SLC45A4: variants seen among roughly 807,000 people sequenced by gnomAD.
SLC45A4 encodes the protein solute carrier family 45 member 4.
SLC45A4 carries 32 observed loss-of-function variants against 63.7 expected under a neutral mutation model. The ratio of observed to expected loss-of-function variants is 0.50; its 90% CI spans 0.38 to 0.67. The LOEUF is 0.67. Ranked by LOEUF, SLC45A4 falls within the 30% of genes least tolerant of loss-of-function variation. The pLI, the probability that SLC45A4 is intolerant of heterozygous loss-of-function variation, is 0.00. For missense variants in SLC45A4, 1,027 were observed against 1,157.7 expected, an observed-to-expected ratio of 0.89 and a Z score of 1.64; for synonymous variants, 535 against 510.0, an observed-to-expected ratio of 1.05 and a Z score of -0.66.
At chr8:141,214,456 C>G (rs916974506) in intron 7 of SLC45A4, among the ~76,000 whole-genome samples, 6 of 152,156 alleles carry the variant, frequency 3.9e-5, no homozygotes, top group African/African-American at 1.4e-4. Flanking sequence ...GCATGTCACA[C>G]TGATGCACTG....
rs1234055971 is a variant in SLC45A4, at chr8:141,252,495, CCA to C, written c.241+1492_241+1493del. Reference sequence around the variant, plus strand: ...TCTGTGAATTTCCGTGTTTTCACGCCCACCTGTGCGTCTGTGAATTTCCGTGT... The same window carrying C: ...TCTGTGAATTTCCGTGTTTTCACGCCCCTGTGCGTCTGTGAATTTCCGTGT... On this transcript the variant is annotated intron_variant, in intron 2 of 8. Transcript: ENST00000517878. The C allele has an allele frequency of 3.0e-5, 4 of 132,476 alleles. 1 individual carries two copies. The highest frequency in any genetic ancestry group is 6.9e-5 in the Non-Finnish European group (4 of 57,658). The allele number at this position is 132,476 out of a possible 1,614,324, so 8.2% of individuals were successfully genotyped here. A position where few individuals can be genotyped will look rare whatever the true frequency, so the allele number is the denominator to read the frequency against.
intron 2 of SLC45A4, among the ~76,000 whole-genome samples, chr8:141,238,160 G>A (rs534388888): frequency 1.1e-4 from 17 of 152,328 alleles, no homozygotes; most frequent in African/African-American, 3.6e-4. Context: ...ACGCGTGCCC[G>A]AGTCTCCGAA....
At chr8:141,212,138 G>GCCC in intron 8 of SLC45A4, 59 bp downstream of exon 8, 2 of 664,730 alleles carry the variant, frequency 3.0e-6, no homozygotes, top group Non-Finnish European at 3.8e-6. Flanking sequence ...TGGCCCCGCC[G>GCCC]CCCGCCCGCC....
At chr8:141,214,101 G>A (rs1214555052) in intron 7 of SLC45A4, among the ~76,000 whole-genome samples, 5 of 151,806 alleles carry the variant, frequency 3.3e-5, no homozygotes, top group South Asian at 2.1e-4. Flanking sequence ...CCAGCTACTC[G>A]GGAGGCTGAG....
rs146842836 is a variant in SLC45A4 at position 141,283,886 on chromosome 8, G to C, written c.-401+24210C>G. Among the ~76,000 whole-genome samples the C allele has an allele frequency of 6.7e-3, 1,015 of 152,314 alleles. 10 individuals are homozygous for C. Among genetic ancestry groups the C allele is most frequent in the Admixed American group, 0.027 (409 of 15,306 alleles). On this transcript the variant is annotated intron_variant, in intron 1 of 8. Transcript: ENST00000517878. ...TTACAAAGCACTTAGGGACATCAAA[G>C]CCCAGCTCTGCACATGAGCTCTACG... is the stretch of plus-strand genomic sequence containing the variant.
intron 1 of SLC45A4, among the ~76,000 whole-genome samples, chr8:141,257,022 T>C (rs1365824333): frequency 6.6e-6 from 1 of 152,110 alleles, no homozygotes; most frequent in Non-Finnish European, 1.5e-5. Flanking sequence ...CCCAGCTAAC[T>C]TTTGTATTTT....
At chr8:141,243,412 C>T (rs1176432063) in intron 2 of SLC45A4, among the ~76,000 whole-genome samples, 1 of 152,214 alleles carries the variant, frequency 6.6e-6, no homozygotes, top group Non-Finnish European at 1.5e-5. Flanking sequence ...CCGTTCCTTC[C>T]GCTGTCAGAA....
At chr8:141,277,902 A>G (rs1194175315) in intron 1 of SLC45A4, among the ~76,000 whole-genome samples, 1 of 152,138 alleles carries the variant, frequency 6.6e-6, no homozygotes, top group Non-Finnish European at 1.5e-5. Context: ...TCAGCCTCAC[A>G]AAGTGAAAAA....
At chr8:141,244,393 C>A (rs760147141) in intron 2 of SLC45A4, among the ~76,000 whole-genome samples, 1 of 152,152 alleles carries the variant, frequency 6.6e-6, no homozygotes, top group Non-Finnish European at 1.5e-5. Context: ...CAAGGCAGGT[C>A]AATTTCTCCT....
intron 2 of SLC45A4, among the ~76,000 whole-genome samples, chr8:141,232,263 G>A (rs534831028): frequency 2.2e-4 from 34 of 152,366 alleles, no homozygotes; most frequent in African/African-American, 7.5e-4. Context: ...TGCTCTGTGC[G>A]CCATGCTTTG....
intron 5 of SLC45A4, among the ~76,000 whole-genome samples, chr8:141,217,743 C>T (rs1005909165): frequency 2.6e-5 from 4 of 152,208 alleles, no homozygotes; most frequent in Non-Finnish European, 5.9e-5. Flanking sequence ...ACAGACACCC[C>T]GTTCACACCA....
rs150449929 is a variant in SLC45A4, at chr8:141,301,027, C to T, written c.-401+7069G>A. ...CTCCGGTGTGGGGAACTCAGAGAGCCGCAAGGTCCCCACAAACGCCTGCCT... is the reference window on the plus strand; with the variant it reads ...CTCCGGTGTGGGGAACTCAGAGAGCTGCAAGGTCCCCACAAACGCCTGCCT... On this transcript the variant is annotated intron_variant, in intron 1 of 8. Coordinates refer to ENST00000517878, the MANE Select transcript of SLC45A4 (RefSeq NM_001286646.2). Among the ~76,000 whole-genome samples the T allele has an allele frequency of 6.8e-3, 1,038 of 152,244 alleles. 3 individuals are homozygous for T. The highest frequency in any genetic ancestry group is 0.014 in the Admixed American group (212 of 15,294).
intron 1 of SLC45A4, among the ~76,000 whole-genome samples, chr8:141,270,921 G>C (rs1048577855): frequency 2.0e-5 from 3 of 152,092 alleles, no homozygotes; most frequent in African/African-American, 7.2e-5. Context: ...CAAGATCCCT[G>C]ACCCCAGGGG....
At chr8:141,241,192 C>T (rs1029060458) in intron 2 of SLC45A4, among the ~76,000 whole-genome samples, 2 of 152,264 alleles carry the variant, frequency 1.3e-5, no homozygotes, top group African/African-American at 2.4e-5. Flanking sequence ...GCGTCACAAA[C>T]GGCCAGGCTG....
chr8:141,220,180 C>T (rs567677024), intron 3 of SLC45A4, among the ~76,000 whole-genome samples: 1 of 152,342 alleles, frequency 6.6e-6, no homozygotes, highest in African/African-American at 2.4e-5. Context: ...AATTCACTGT[C>T]GCTAAGAAGG....
intron 1 of SLC45A4, among the ~76,000 whole-genome samples, chr8:141,279,096 T>C (rs1395384609): frequency 3.9e-5 from 6 of 152,196 alleles, no homozygotes; most frequent in Non-Finnish European, 8.8e-5. Context: ...TCCCACATTC[T>C]GCGGGACCCA....
At chr8:141,286,904 C>T (rs1234673654) in intron 1 of SLC45A4, among the ~76,000 whole-genome samples, 2 of 152,256 alleles carry the variant, frequency 1.3e-5, no homozygotes, top group Middle Eastern at 3.4e-3. Context: ...TCAATGTCAG[C>T]TGCAGTGGGG....
At chr8:141,270,338 G>A (rs936203805) in intron 1 of SLC45A4, among the ~76,000 whole-genome samples, 1 of 150,726 alleles carries the variant, frequency 6.6e-6, no homozygotes, top group African/African-American at 2.4e-5. Context: ...ACCACCCTGG[G>A]CGACACAGCG....
chr8:141,258,060 CTT>C (rs3072057), intron 1 of SLC45A4, among the ~76,000 whole-genome samples: 34,915 of 123,114 alleles, frequency 0.28, 4,917 homozygotes, highest in East Asian at 0.47. Flanking sequence ...TTTCTTCTTC[CTT>C]TTTTTTTTTT....
Sources: gnomAD v4.1 joint callset for allele counts (sites outside exome capture counted in the v4.1 genomes callset) on GRCh38, gnomAD v4.1.1 for gene constraint, MANE v1.5 for transcripts, NCBI Gene and HGNC (gene_info 2026-07-23, HGNC 2026-07-21) for gene names.